Variants in SLC24A2 observed in about 807,000 individuals in gnomAD.
SLC24A2 encodes the protein solute carrier family 24 member 2.
SLC24A2 carries 36 observed loss-of-function variants against 62.0 expected under a neutral mutation model. The observed-to-expected ratio is 0.58, with a 90% CI of 0.44 to 0.77. The LOEUF (loss-of-function observed/expected upper bound fraction) is 0.77, where lower values mean the gene tolerates loss of function less well. SLC24A2 is among the 30% of genes least tolerant of loss of function. SLC24A2 has a pLI of 0.00. For missense variants in SLC24A2, 846 were observed against 817.9 expected (o/e 1.03, Z -0.42); for synonymous variants, 358 against 294.0 (o/e 1.22, Z -2.23).
the SLC24A2 span, among the ~76,000 whole-genome samples, chr9:19,809,592 C>G: frequency 3.6e-3 from 549 of 152,158 alleles, no homozygotes; most frequent in Middle Eastern, 3.4e-3. Context: ...CAATCATGTT[C>G]AAGATGGCGG....
At chr9:19,991,005 CAT>C in the SLC24A2 span, among the ~76,000 whole-genome samples, 1 of 122,654 alleles carries the variant, frequency 8.2e-6, no homozygotes. Context: ...TGTGTGTATA[CAT>C]ATATACATAC....
chr9:19,517,000 G>C (rs1285702988), intron 10 of SLC24A2, among the ~76,000 whole-genome samples: 1 of 152,122 alleles, frequency 6.6e-6, no homozygotes, highest in Non-Finnish European at 1.5e-5. Flanking sequence ...AAGATTTAAG[G>C]AAGGCAGTAT....
chr9:19,914,835 A>G, the SLC24A2 span, among the ~76,000 whole-genome samples: 1 of 152,110 alleles, frequency 6.6e-6, no homozygotes, highest in South Asian at 2.1e-4. Flanking sequence ...GATGGGATCC[A>G]GATTTTGTAG....
chr9:19,680,782 G>A (rs1002495751), intron 2 of SLC24A2, among the ~76,000 whole-genome samples: 1 of 151,928 alleles, frequency 6.6e-6, no homozygotes, highest in Non-Finnish European at 1.5e-5. Context: ...ACTAGTGACA[G>A]TTATTTCTTT....
In SLC24A2 at chr9:19,751,449, A is replaced by G. The variant is rs192132106; in HGVS notation, c.930+34488T>C. 2.9e-3 allele frequency among the ~76,000 whole-genome samples: 435 copies of G among 152,270 alleles called. 7 individuals carry two copies. The highest frequency in any genetic ancestry group is 0.027 in the Admixed American group (410 of 15,300). On this transcript the variant is annotated intron_variant, in intron 2 of 10. Coordinates refer to ENST00000341998, the MANE Select transcript of SLC24A2 (RefSeq NM_020344.4). ...TTGAGTGGGTTCCAGCCCACTGGAG[A>G]ACCACTGAAGCTGAATTTTTGGTGG...
At chr9:19,984,668 T>TACATGCCAGC in the SLC24A2 span, among the ~76,000 whole-genome samples, 1,453 of 152,322 alleles carry the variant, frequency 9.5e-3, 28 homozygotes, top group African/African-American at 0.034. Flanking sequence ...ATCATGCCAC[T>TACATGCCAGC]ACATGCCAGC....
At chr9:19,695,013 G>C (rs956296962) in intron 2 of SLC24A2, among the ~76,000 whole-genome samples, 1 of 148,366 alleles carries the variant, frequency 6.7e-6, no homozygotes, top group Non-Finnish European at 1.5e-5. Flanking sequence ...TTTAAATTTG[G>C]GGCAAATAAA....
intron 6 of SLC24A2, among the ~76,000 whole-genome samples, chr9:19,574,045 C>G (rs1239903794): frequency 6.6e-6 from 1 of 152,156 alleles, no homozygotes; most frequent in African/African-American, 2.4e-5. Context: ...GGCTAGTTCC[C>G]TTCTTCCTCT....
chr9:19,948,844 C>CAA, the SLC24A2 span, among the ~76,000 whole-genome samples: 52 of 71,634 alleles, frequency 7.3e-4, no homozygotes, highest in East Asian at 4.8e-3. Context: ...GACTCCGTCT[C>CAA]AAAAAAAAAA....
chr9:20,293,319 G>C, the SLC24A2 span, among the ~76,000 whole-genome samples: 1 of 152,124 alleles, frequency 6.6e-6, no homozygotes, highest in Non-Finnish European at 1.5e-5. Context: ...GGTAGGGTTG[G>C]CTCCCAAAGA....
chr9:20,042,224 T>C, the SLC24A2 span, among the ~76,000 whole-genome samples: 1 of 152,106 alleles, frequency 6.6e-6, no homozygotes, highest in Non-Finnish European at 1.5e-5. Context: ...ATTTAAATAA[T>C]AAGCAGGAAG....
chr9:19,694,963 G>A (rs1435776397), intron 2 of SLC24A2, among the ~76,000 whole-genome samples: 1 of 151,876 alleles, frequency 6.6e-6, no homozygotes, highest in East Asian at 1.9e-4. Flanking sequence ...GATGGGAGCT[G>A]GGGAGAAGCA....
chr9:20,064,329 A>C, the SLC24A2 span, among the ~76,000 whole-genome samples: 1 of 152,198 alleles, frequency 6.6e-6, no homozygotes, highest in South Asian at 2.1e-4. Context: ...GTGAGTGGGT[A>C]TTCATTGCAA....
intron 9 of SLC24A2, among the ~76,000 whole-genome samples, chr9:19,522,746 C>T (rs1284391035): frequency 1.3e-5 from 2 of 152,178 alleles, no homozygotes; most frequent in Non-Finnish European, 2.9e-5. Context: ...GCTCTTAATA[C>T]TGATTTGCTG....
At chr9:20,272,008 C>T in the SLC24A2 span, among the ~76,000 whole-genome samples, 1 of 152,184 alleles carries the variant, frequency 6.6e-6, no homozygotes, top group Non-Finnish European at 1.5e-5. Context: ...TTCACTTTTT[C>T]ACAAGAACTT....
the SLC24A2 span, among the ~76,000 whole-genome samples, chr9:20,232,549 G>A: frequency 6.6e-6 from 1 of 152,118 alleles, no homozygotes; most frequent in African/African-American, 2.4e-5. Flanking sequence ...TTCTCTGATG[G>A]TAGTTTGTAT....
chr9:19,725,423 G>T (rs2118677380), intron 2 of SLC24A2, among the ~76,000 whole-genome samples: 1 of 152,242 alleles, frequency 6.6e-6, no homozygotes, highest in Non-Finnish European at 1.5e-5. Flanking sequence ...TAAGAATTTG[G>T]CTCAACATTT....
intron 2 of SLC24A2, among the ~76,000 whole-genome samples, chr9:19,739,048 T>TG (rs1488415598): frequency 6.6e-6 from 1 of 152,076 alleles, no homozygotes; most frequent in Non-Finnish European, 1.5e-5. Flanking sequence ...ACCAAGAAGG[T>TG]GGAGGTTGCA....
the SLC24A2 span, among the ~76,000 whole-genome samples, chr9:20,252,253 T>C: frequency 2.0e-5 from 3 of 152,220 alleles, no homozygotes; most frequent in South Asian, 2.1e-4. Flanking sequence ...GCATATGAGT[T>C]TTATTCCTAA....
Sources: allele counts gnomAD v4.1 joint callset (sites outside exome capture counted in the v4.1 genomes callset), GRCh38; gene constraint gnomAD v4.1.1; transcripts MANE v1.5; gene names NCBI Gene and HGNC (gene_info 2026-07-23, HGNC 2026-07-21).